The following NRXN1 variants were observed in gnomAD, a reference collection of about 807,000 sequenced individuals.
NRXN1 encodes neurexin 1, also known as neurexin-1.
In NRXN1, 39 loss-of-function variants were observed where a neutral mutation model predicts 150.9. The ratio of observed to expected loss-of-function variants is 0.26; its 90% CI spans 0.20 to 0.34. The LOEUF (loss-of-function observed/expected upper bound fraction) is 0.34, where lower values mean the gene tolerates loss of function less well. NRXN1 is among the 10% of genes least tolerant of loss of function. The pLI is 1.00. For synonymous variants in NRXN1, 924 were observed against 757.0 expected (o/e 1.22, Z -3.62); for missense variants, 1,815 against 1,949.9 (o/e 0.93, Z 1.30).
chr2:50,765,946 G>A (rs559969100), intron 5 of NRXN1, among the ~76,000 whole-genome samples: 1 of 152,084 alleles, frequency 6.6e-6, no homozygotes, highest in South Asian at 2.1e-4. Context: ...AAGTCTCAGT[G>A]ACTGATTGGT....
At chr2:50,074,756 A>G (rs1327259622) in intron 19 of NRXN1, among the ~76,000 whole-genome samples, 1 of 152,208 alleles carries the variant, frequency 6.6e-6, no homozygotes, top group East Asian at 1.9e-4. Context: ...ATTATCTTAT[A>G]AAACTACTCT....
At chr2:50,947,780 C>T (rs998334473) in intron 2 of NRXN1, among the ~76,000 whole-genome samples, 1 of 152,000 alleles carries the variant, frequency 6.6e-6, no homozygotes, top group African/African-American at 2.4e-5. Flanking sequence ...GGGTTTCCCT[C>T]ATTTCCAGTG....
At chr2:49,929,233 G>C (rs1353298407) in intron 22 of NRXN1, among the ~76,000 whole-genome samples, 1 of 152,112 alleles carries the variant, frequency 6.6e-6, no homozygotes. Flanking sequence ...GTACCACATC[G>C]AACAGAAGAG....
At chr2:50,123,494 G>T (rs1230334693) in intron 18 of NRXN1, among the ~76,000 whole-genome samples, 2 of 152,100 alleles carry the variant, frequency 1.3e-5, no homozygotes, top group Non-Finnish European at 2.9e-5. Flanking sequence ...TAAACTTTTG[G>T]ATTTTACTCT....
At chr2:50,705,170 G>C (rs138263174) in intron 5 of NRXN1, among the ~76,000 whole-genome samples, 1 of 151,588 alleles carries the variant, frequency 6.6e-6, no homozygotes, top group African/African-American at 2.4e-5. Flanking sequence ...TTGACATTTT[G>C]ACAAATGTGT....
At chr2:50,529,990 A>T (rs1246174735) in intron 11 of NRXN1, among the ~76,000 whole-genome samples, 1 of 152,178 alleles carries the variant, frequency 6.6e-6, no homozygotes, top group Non-Finnish European at 1.5e-5. Context: ...CAATTTGAAA[A>T]TGTAGGTGGG....
chr2:50,842,285 A>G (rs1202669913), intron 5 of NRXN1, among the ~76,000 whole-genome samples: 1 of 152,224 alleles, frequency 6.6e-6, no homozygotes, highest in Non-Finnish European at 1.5e-5. Context: ...TAATATATCC[A>G]TATCTGGGAA....
At chr2:50,657,817 G>A (rs746015033) in intron 5 of NRXN1, among the ~76,000 whole-genome samples, 4 of 152,010 alleles carry the variant, frequency 2.6e-5, no homozygotes, top group Non-Finnish European at 5.9e-5. Flanking sequence ...GCTCTGAGCT[G>A]TTATTATCCA....
intron 5 of NRXN1, among the ~76,000 whole-genome samples, chr2:50,633,783 G>C (rs1365689080): frequency 6.6e-6 from 1 of 151,970 alleles, no homozygotes; most frequent in Non-Finnish European, 1.5e-5. Flanking sequence ...GGCTCTCAGG[G>C]TCTCCACTCT....
At chr2:50,612,107 C>G (rs1678252356) in intron 8 of NRXN1, among the ~76,000 whole-genome samples, 1 of 152,130 alleles carries the variant, frequency 6.6e-6, no homozygotes, top group Admixed American at 6.6e-5. Context: ...GCAAGGATTT[C>G]GCTCTCAGAT....
chr2:50,479,767 CTTTTTTTTTTTT>C (rs35301086), intron 15 of NRXN1, among the ~76,000 whole-genome samples: 1 of 79,866 alleles, frequency 1.3e-5, no homozygotes, highest in South Asian at 5.8e-4. Flanking sequence ...ATTTCTTTTT[CTTTTTTTTTTTT>C]TTTTTTTTTT....
intron 5 of NRXN1, among the ~76,000 whole-genome samples, chr2:50,856,142 G>A (rs1347573569): frequency 6.6e-6 from 1 of 151,826 alleles, no homozygotes; most frequent in Admixed American, 6.6e-5. Context: ...GGAAAGAATG[G>A]GAGATAATAA....
At position 49,919,486 on chromosome 2, in the gene NRXN1, T is replaced by TTTCTA. The variant is rs1667840668; in HGVS notation, c.*2453_*2457dup. On this transcript the variant is annotated 3_prime_UTR_variant, in exon 23 of 23. Coordinates refer to ENST00000401669, the MANE Select transcript of NRXN1 (RefSeq NM_001330078.2). ...TTAAAATTACCATTATTCAATTTAT[T>TTTCTA]TTCTATTATATTTTAGAATCTTTCC... 1 of 152,058 alleles carries TTTCTA rather than the reference T, an allele frequency of 6.6e-6. No individual in the cohort carries two copies. The highest frequency in any genetic ancestry group is 2.4e-5 in the African/African-American group (1 of 41,452). The allele number at this position is 152,058 out of a possible 1,614,324, so 9.4% of individuals were successfully genotyped here. A position where few individuals can be genotyped will look rare whatever the true frequency, so the allele number is the denominator to read the frequency against.
intron 5 of NRXN1, among the ~76,000 whole-genome samples, chr2:50,652,076 G>C (rs1366348282): frequency 6.6e-6 from 1 of 151,990 alleles, no homozygotes; most frequent in Non-Finnish European, 1.5e-5. Context: ...TAAAACCAGA[G>C]AGGTAGCATC....
intron 5 of NRXN1, among the ~76,000 whole-genome samples, chr2:50,782,048 A>G (rs1189917547): frequency 1.3e-5 from 2 of 152,150 alleles, no homozygotes; most frequent in Non-Finnish European, 2.9e-5. Context: ...CTTTTCCTCT[A>G]TGTTTACAAT....
At chr2:50,205,708 T>C (rs1469745680) in intron 18 of NRXN1, among the ~76,000 whole-genome samples, 3 of 151,964 alleles carry the variant, frequency 2.0e-5, no homozygotes, top group East Asian at 1.9e-4. Context: ...AACCCAAATA[T>C]CCATGAATTG....
intron 5 of NRXN1, among the ~76,000 whole-genome samples, chr2:50,637,810 G>T (rs1683455025): frequency 6.6e-6 from 1 of 152,000 alleles, no homozygotes; most frequent in Non-Finnish European, 1.5e-5. Flanking sequence ...ATGGCTGTGA[G>T]GGGACAGCCT....
intron 21 of NRXN1, chr2:50,022,991 C>T (rs919421639): frequency 3.9e-5 from 6 of 152,168 alleles, no homozygotes; most frequent in African/African-American, 1.2e-4. Flanking sequence ...AGTACTACAT[C>T]ATTCTGTCAC....
intron 18 of NRXN1, among the ~76,000 whole-genome samples, chr2:50,212,397 ATGG>A (rs1221662601): frequency 6.6e-6 from 1 of 151,202 alleles, no homozygotes; most frequent in Non-Finnish European, 1.5e-5. Flanking sequence ...CTTCACCTAT[ATGG>A]CTAATATTAA....
Sources: allele counts gnomAD v4.1 joint callset (sites outside exome capture counted in the v4.1 genomes callset), GRCh38; gene constraint gnomAD v4.1.1; transcripts MANE v1.5; gene names NCBI Gene and HGNC (gene_info 2026-07-23, HGNC 2026-07-21).